Variants in VPS13B observed in about 807,000 individuals in gnomAD.
VPS13B encodes intermembrane lipid transfer protein VPS13B.
In VPS13B, 285 loss-of-function variants were observed where a neutral mutation model predicts 426.4. That is an observed-to-expected ratio of 0.67 (90% CI 0.61 to 0.74). The LOEUF (loss-of-function observed/expected upper bound fraction) is 0.74. Ranked by LOEUF, VPS13B falls within the 30% of genes least tolerant of loss-of-function variation. The pLI is 0.00. For missense variants in VPS13B, 4,537 were observed against 4,782.6 expected (o/e 0.95, Z 1.51); for synonymous variants, 1,676 against 1,676.4 (o/e 1.00, Z 0.01).
intron 15 of VPS13B, among the ~76,000 whole-genome samples, chr8:99,160,321 C>T (rs950242880): frequency 2.0e-5 from 3 of 152,100 alleles, no homozygotes; most frequent in African/African-American, 7.2e-5. Flanking sequence ...ACACAATCAA[C>T]TTCTGTTTTA....
Position 99,311,396 on chromosome 8 carries a change from C to T in VPS13B, c.2824+36142C>T, listed in dbSNP as rs149768755. Among the ~76,000 whole-genome samples, 267 of 152,252 alleles carry T rather than the reference C, an allele frequency of 1.8e-3. 4 individuals carry two copies. The East Asian group carries it at 0.033, about 19-fold the overall frequency. ...CTTTTTTCTCATTGGTTTCAAAGAA[C>T]ATCTTTATTTCTGCCTTCATTTCGT... On this transcript the variant is annotated intron_variant, in intron 19 of 61. Transcript: ENST00000357162.
At chr8:99,161,661 G>A (rs1811658374) in intron 15 of VPS13B, among the ~76,000 whole-genome samples, 1 of 151,780 alleles carries the variant, frequency 6.6e-6, no homozygotes, top group East Asian at 1.9e-4. Flanking sequence ...AGGAAGTAAG[G>A]TGTTAGGCAG....
intron 20 of VPS13B, among the ~76,000 whole-genome samples, chr8:99,387,509 C>A (rs1331281614): frequency 6.6e-6 from 1 of 152,052 alleles, no homozygotes; most frequent in African/African-American, 2.4e-5. Flanking sequence ...AGGCATGAAC[C>A]CCATGTCCAG....
chr8:99,425,888 A>G lies in VPS13B; in HGVS notation c.3083-5649A>G, dbSNP rs530944780. ...ACAAAATAAATGTGCAAAAATCACA[A>G]GCATTCTGTTTTTTGTTTTTTGTTT... On this transcript the variant is annotated intron_variant, in intron 21 of 61. Transcript: ENST00000357162. 1.5e-4 allele frequency among the ~76,000 whole-genome samples: 23 copies of G among 152,190 alleles called. No homozygotes were observed. In the East Asian group the frequency reaches 4.1e-3, roughly 27 times the overall value.
intron 19 of VPS13B, 103 bp from the exon 20 acceptor site, chr8:99,384,105 G>A (rs1316187473): frequency 1.0e-6 from 1 of 963,368 alleles, no homozygotes; most frequent in African/African-American, 1.6e-5. Flanking sequence ...GCTTGTTACT[G>A]TTTGTCTGTT....
At position 99,298,659 on chromosome 8, in the gene VPS13B, T is replaced by C. The variant is rs1332755908; in HGVS notation, c.2824+23405T>C. Among the ~76,000 whole-genome samples, 4 of 152,230 alleles carry C rather than the reference T, an allele frequency of 2.6e-5. No individual in the cohort carries two copies. In the East Asian group the frequency reaches 7.7e-4, roughly 29 times the overall value. Reference sequence around the variant, plus strand: ...AATGCTTTAATTCTACTCTCAAGTATCTTGTAAATCATTTCTTTAGTTTCA... The same window carrying C: ...AATGCTTTAATTCTACTCTCAAGTACCTTGTAAATCATTTCTTTAGTTTCA... On this transcript the variant is annotated intron_variant, in intron 19 of 61. Coordinates refer to ENST00000357162, the MANE Select transcript of VPS13B (RefSeq NM_152564.5).
At chr8:99,430,492 T>C (rs1367468744) in intron 21 of VPS13B, among the ~76,000 whole-genome samples, 1 of 152,178 alleles carries the variant, frequency 6.6e-6, no homozygotes, top group Non-Finnish European at 1.5e-5. Context: ...AATGAAACTG[T>C]TTAGTTATAA....
chr8:99,722,140 G>A (rs1349212246), intron 39 of VPS13B, among the ~76,000 whole-genome samples: 1 of 152,048 alleles, frequency 6.6e-6, no homozygotes, highest in African/African-American at 2.4e-5. Context: ...AGCCACTCTG[G>A]CCTCCTTTTT....
At chr8:99,843,965 TTCCTTCC>T (rs1384011358) in intron 54 of VPS13B, among the ~76,000 whole-genome samples, 2 of 152,238 alleles carry the variant, frequency 1.3e-5, no homozygotes, top group African/African-American at 4.8e-5. Context: ...GCTTACTTGC[TTCCTTCC>T]TCTCTGGATT....
At chr8:99,297,376 A>G (rs1311002287) in intron 19 of VPS13B, among the ~76,000 whole-genome samples, 1 of 150,830 alleles carries the variant, frequency 6.6e-6, no homozygotes, top group Non-Finnish European at 1.5e-5. Context: ...CCTTGTAATC[A>G]CATTTGTAAC....
chr8:99,354,753 C>T (rs757588917), intron 19 of VPS13B, among the ~76,000 whole-genome samples: 6 of 152,038 alleles, frequency 3.9e-5, no homozygotes, highest in African/African-American at 7.3e-5. Context: ...TTCTTTGTCT[C>T]GCTGTATTGC....
rs2133931540 is a variant in VPS13B at position 99,641,921 on chromosome 8, A to G, written c.5331A>G (p.Lys1777=). 1 of 1,614,144 alleles carries G rather than the reference A, an allele frequency of 6.2e-7. No individual in the cohort carries two copies. Among genetic ancestry groups the G allele is most frequent in the South Asian group, 1.1e-5 (1 of 91,084 alleles). The change falls in exon 34 of 62, where the codon AAA becomes AAG. Residue 1777 remains lysine, a synonymous_variant. Coordinates refer to ENST00000357162, the MANE Select transcript of VPS13B (RefSeq NM_152564.5). ...QDSGIGSDSV[K]IRIVQIEQHS... ...GTGGAATTGGCAGTGACAGTGTTAA[A>G]ATCAGAATAGTGCAAATAGAGCAGC...
At chr8:99,541,252 T>C (rs1238972641) in intron 30 of VPS13B, among the ~76,000 whole-genome samples, 1 of 152,196 alleles carries the variant, frequency 6.6e-6, no homozygotes, top group Non-Finnish European at 1.5e-5. Context: ...TGGTATTTTC[T>C]GACTAAAGTC....
chr8:99,774,309 T>G (rs1811641356), intron 40 of VPS13B, among the ~76,000 whole-genome samples: 2 of 152,214 alleles, frequency 1.3e-5, no homozygotes, highest in South Asian at 4.1e-4. Context: ...AGAGTAGTGC[T>G]ACTAGCACTA....
rs143971165 is a variant in VPS13B, at chr8:99,812,265, A to G, written c.8097+2735A>G. Among the ~76,000 whole-genome samples, 3 of 152,176 alleles carry G rather than the reference A, an allele frequency of 2.0e-5. No individual in the cohort carries two copies. In the East Asian group the frequency reaches 5.8e-4, roughly 29 times the overall value. On this transcript the variant is annotated intron_variant, in intron 44 of 61. Coordinates refer to ENST00000357162, the MANE Select transcript of VPS13B (RefSeq NM_152564.5). ...TTGCTGTCAGGGTAGTTTAGCGTTC[A>G]GATTTGTTCTGGTTAAAGTACATCA...
intron 3 of VPS13B, among the ~76,000 whole-genome samples, chr8:99,039,238 A>G (rs1842870916): frequency 6.6e-6 from 1 of 152,140 alleles, no homozygotes; most frequent in Admixed American, 6.5e-5. Flanking sequence ...TCTAAATCTG[A>G]AGGGAATTTC....
intron 33 of VPS13B, among the ~76,000 whole-genome samples, chr8:99,589,406 C>T (rs2133834784): frequency 6.6e-6 from 1 of 151,642 alleles, no homozygotes; most frequent in Admixed American, 6.6e-5. Flanking sequence ...CTTCCTGTGT[C>T]CATGTGTTCT....
chr8:99,143,279 A>G, intron 13 of VPS13B, 114 bp downstream of exon 13: 3 of 1,331,132 alleles, frequency 2.3e-6, no homozygotes, highest in Non-Finnish European at 3.2e-6. Context: ...GCCTGTTTGC[A>G]AGGACTTTGA....
chr8:99,629,800 C>CTA (rs1009627535), intron 33 of VPS13B, among the ~76,000 whole-genome samples: 1 of 152,114 alleles, frequency 6.6e-6, no homozygotes, highest in Non-Finnish European at 1.5e-5. Flanking sequence ...CACCTGAGGC[C>CTA]TACTAGTTTA....
Sources: allele counts gnomAD v4.1 joint callset (sites outside exome capture counted in the v4.1 genomes callset), GRCh38; gene constraint gnomAD v4.1.1; transcripts MANE v1.5; gene names NCBI Gene and HGNC (gene_info 2026-07-23, HGNC 2026-07-21).